The following MAF variants were observed in gnomAD, a reference collection of about 807,000 sequenced individuals.
MAF encodes transcription factor Maf.
A neutral mutation model predicts 22.0 loss-of-function variants in MAF; 10 were observed. The ratio of observed to expected loss-of-function variants is 0.45; its 90% CI spans 0.28 to 0.77. MAF has a LOEUF of 0.77. MAF is among the 30% of genes least tolerant of loss of function. The pLI is 0.12. For synonymous variants in MAF, 337 were observed against 255.8 expected (o/e 1.32, Z -3.03); for missense variants, 544 against 548.4 (o/e 0.99, Z 0.08).
chr16:79,575,552 G>C, the MAF span, among the ~76,000 whole-genome samples: 6 of 152,308 alleles, frequency 3.9e-5, no homozygotes, highest in South Asian at 4.1e-4. Flanking sequence ...CCTCTGCTGA[G>C]GGTTTCAAAG....
intron 1 of MAF, among the ~76,000 whole-genome samples, chr16:79,586,552 T>G (rs1404282138): frequency 6.6e-6 from 1 of 152,242 alleles, no homozygotes; most frequent in South Asian, 2.1e-4. Context: ...CAGGGAGTGC[T>G]TAGAACGGTG....
At chr16:79,391,123 C>G in the MAF span, among the ~76,000 whole-genome samples, 1 of 152,098 alleles carries the variant, frequency 6.6e-6, no homozygotes, top group East Asian at 1.9e-4. Flanking sequence ...TGCTCAGAAC[C>G]CAGCCTCTGG....
chr16:79,491,212 G>C, the MAF span, among the ~76,000 whole-genome samples: 2 of 152,100 alleles, frequency 1.3e-5, no homozygotes, highest in African/African-American at 2.4e-5. Flanking sequence ...ACAGCAGTGA[G>C]GACCAGACTC....
chr16:79,393,696 G>A, the MAF span, among the ~76,000 whole-genome samples: 2 of 152,244 alleles, frequency 1.3e-5, no homozygotes, highest in Non-Finnish European at 1.5e-5. Context: ...TTGTGACCTG[G>A]GACATCGATG....
the MAF span, among the ~76,000 whole-genome samples, chr16:79,390,976 T>G: frequency 6.6e-6 from 1 of 152,184 alleles, no homozygotes; most frequent in African/African-American, 2.4e-5. Flanking sequence ...TAGATTTATT[T>G]CGGGACAGAA....
chr16:79,544,037 C>T, the MAF span, among the ~76,000 whole-genome samples: 1 of 152,062 alleles, frequency 6.6e-6, no homozygotes, highest in African/African-American at 2.4e-5. Flanking sequence ...AAGAGACACC[C>T]CCATCTTTGA....
chr16:79,544,249 A>G, the MAF span, among the ~76,000 whole-genome samples: 1 of 152,168 alleles, frequency 6.6e-6, no homozygotes, highest in Admixed American at 6.5e-5. Context: ...GATTTAAATT[A>G]ATTAAAATTA....
chr16:79,513,509 A>T, the MAF span, among the ~76,000 whole-genome samples: 8 of 152,214 alleles, frequency 5.3e-5, no homozygotes, highest in African/African-American at 1.9e-4. Context: ...GTAACTGTGC[A>T]GTTGAAGGCA....
At chr16:79,562,954 C>A in the MAF span, among the ~76,000 whole-genome samples, 1 of 152,156 alleles carries the variant, frequency 6.6e-6, no homozygotes, top group Non-Finnish European at 1.5e-5. Context: ...ATCCTTCAGG[C>A]CTCAATTTCA....
chr16:79,310,401 C>G, the MAF span, among the ~76,000 whole-genome samples: 2 of 152,080 alleles, frequency 1.3e-5, no homozygotes, highest in African/African-American at 4.8e-5. Flanking sequence ...GAGAGACAGA[C>G]AGAGAGAGAG....
chr16:79,264,495 A>G, the MAF span: 1 of 152,160 alleles, frequency 6.6e-6, no homozygotes, highest in African/African-American at 2.4e-5. Context: ...ATCTCTTCTG[A>G]TCTTGTGAAG....
the MAF span, among the ~76,000 whole-genome samples, chr16:79,344,973 G>A: frequency 2.6e-5 from 4 of 152,186 alleles, no homozygotes; most frequent in Non-Finnish European, 5.9e-5. Flanking sequence ...CTCCCAGGCT[G>A]TTGTGTGACC....
the MAF span, among the ~76,000 whole-genome samples, chr16:79,232,471 G>A: frequency 3.2e-3 from 483 of 152,096 alleles, 9 homozygotes; most frequent in Non-Finnish European, 2.9e-3. Context: ...TTTATATGGA[G>A]AAAGAAACTT....
At chr16:79,451,989 G>T in the MAF span, among the ~76,000 whole-genome samples, 1 of 79,224 alleles carries the variant, frequency 1.3e-5, no homozygotes, top group Non-Finnish European at 2.7e-5. Context: ...GCAGGAGTCC[G>T]CAAAGGTTGA....
At chr16:79,596,411 T>C (rs1458448479) in intron 1 of MAF, 3 of 1,057,472 alleles carry the variant, frequency 2.8e-6, no homozygotes, top group Admixed American at 1.1e-4. Context: ...GAGAAAAGGA[T>C]GCATTTTACA....
chr16:79,558,152 T>C, the MAF span, among the ~76,000 whole-genome samples: 18,348 of 150,878 alleles, frequency 0.12, 1,356 homozygotes, highest in East Asian at 0.27. Context: ...TCTTGGGTTT[T>C]TCCTGCCTGT....
At chr16:79,572,099 C>T in the MAF span, among the ~76,000 whole-genome samples, 1 of 152,218 alleles carries the variant, frequency 6.6e-6, no homozygotes, top group Admixed American at 6.5e-5. Context: ...TAAGCTGCTG[C>T]TAAAGCTTTT....
Position 79,595,298 on chromosome 16 carries a change from G to A in MAF, c.1119-745C>T, listed in dbSNP as rs906527571. 46 of 1,048,368 alleles carry A rather than the reference G, an allele frequency of 4.4e-5. 1 individual carries two copies. In the Middle Eastern group the frequency reaches 1.7e-3, roughly 39 times the overall value. The allele number at this position is 1,048,368 out of a possible 1,614,324, so 64.9% of individuals were successfully genotyped here. ...AATGTCGAGGTTACACACTGTCTTC[G>A]TGTTTTGTAAAAAATAGGCAGGAAG... On this transcript the variant is annotated intron_variant, in intron 1 of 1. Transcript: ENST00000326043.
chr16:79,566,834 T>G, the MAF span, among the ~76,000 whole-genome samples: 2 of 152,208 alleles, frequency 1.3e-5, no homozygotes, highest in African/African-American at 2.4e-5. Flanking sequence ...ACCCTGTGGT[T>G]TGATTTCCAA....
Sources: allele counts gnomAD v4.1 joint callset (sites outside exome capture counted in the v4.1 genomes callset), GRCh38; gene constraint gnomAD v4.1.1; transcripts MANE v1.5; gene names NCBI Gene and HGNC (gene_info 2026-07-23, HGNC 2026-07-21).